NMNAT2: variants seen among roughly 807,000 people sequenced by gnomAD.
NMNAT2 encodes the protein nicotinamide/nicotinic acid mononucleotide adenylyltransferase 2.
In NMNAT2, 11 loss-of-function variants were observed where a neutral mutation model predicts 41.6. That is an observed-to-expected ratio of 0.26 (90% CI 0.17 to 0.44). The LOEUF is 0.44. Among genes scored for constraint, NMNAT2 ranks in the 20% least tolerant of loss-of-function variants. The probability of loss-of-function intolerance (pLI) is 1.00; values close to 1 mark genes in which losing one functional copy is unlikely to be tolerated. For missense variants in NMNAT2, 288 were observed against 407.7 expected (o/e 0.71, Z 2.53); for synonymous variants, 148 against 151.2 (o/e 0.98, Z 0.16).
At chr1:183,274,590 G>A (rs1343070394) in intron 8 of NMNAT2, among the ~76,000 whole-genome samples, 1 of 151,898 alleles carries the variant, frequency 6.6e-6, no homozygotes, top group Non-Finnish European at 1.5e-5. Flanking sequence ...TGGGATTACA[G>A]GCGTGAGTCA....
intron 1 of NMNAT2, among the ~76,000 whole-genome samples, chr1:183,386,494 A>C (rs772550674): frequency 6.6e-6 from 1 of 152,196 alleles, no homozygotes; most frequent in African/African-American, 2.4e-5. Flanking sequence ...AACTGATAAA[A>C]AGCAAAAGCA....
chr1:183,385,310 A>G (rs1321794600), intron 1 of NMNAT2, among the ~76,000 whole-genome samples: 2 of 152,348 alleles, frequency 1.3e-5, no homozygotes, highest in African/African-American at 4.8e-5. Flanking sequence ...GCTATTTGAC[A>G]ATGGCTGAAG....
At chr1:183,270,448 C>G (rs942837074) in intron 8 of NMNAT2, among the ~76,000 whole-genome samples, 2 of 151,976 alleles carry the variant, frequency 1.3e-5, no homozygotes, top group East Asian at 1.9e-4. Flanking sequence ...GCCCCTGCCA[C>G]TCTCTGGAGG....
intron 1 of NMNAT2, among the ~76,000 whole-genome samples, chr1:183,324,736 C>T (rs147371781): frequency 8.9e-4 from 136 of 152,302 alleles, no homozygotes; most frequent in African/African-American, 3.2e-3. Context: ...TTTCCCTGTG[C>T]CGCCCTTTAT....
chr1:183,408,437 T>A (rs987106382), intron 1 of NMNAT2, among the ~76,000 whole-genome samples: 12 of 152,192 alleles, frequency 7.9e-5, no homozygotes, highest in East Asian at 7.7e-4. Context: ...CATTTAAAAA[T>A]GTAAAAAGCC....
chr1:183,262,075 A>T (rs916903184), intron 8 of NMNAT2, among the ~76,000 whole-genome samples: 2 of 151,760 alleles, frequency 1.3e-5, no homozygotes, highest in Non-Finnish European at 2.9e-5. Context: ...ACAGGTACAT[A>T]CTACCATACC....
intron 1 of NMNAT2, among the ~76,000 whole-genome samples, chr1:183,337,103 G>C (rs1226269713): frequency 6.6e-6 from 1 of 152,196 alleles, no homozygotes; most frequent in Non-Finnish European, 1.5e-5. Flanking sequence ...TCTGTATCTT[G>C]ATTGGAGAGT....
At chr1:183,345,413 C>G (rs1333464726) in intron 1 of NMNAT2, among the ~76,000 whole-genome samples, 1 of 152,128 alleles carries the variant, frequency 6.6e-6, no homozygotes, top group Non-Finnish European at 1.5e-5. Context: ...GTGCTTAGGT[C>G]ATGAGGGCTC....
intron 1 of NMNAT2, among the ~76,000 whole-genome samples, chr1:183,370,485 G>C (rs1663511663): frequency 6.6e-6 from 1 of 152,162 alleles, no homozygotes; most frequent in African/African-American, 2.4e-5. Flanking sequence ...CTGACAGACA[G>C]CAGAAACTCA....
intron 1 of NMNAT2, among the ~76,000 whole-genome samples, chr1:183,364,818 A>G (rs958494684): frequency 6.6e-6 from 1 of 152,072 alleles, no homozygotes; most frequent in Non-Finnish European, 1.5e-5. Flanking sequence ...CAGCCTCCAG[A>G]GTAGGCGGGA....
intron 1 of NMNAT2, among the ~76,000 whole-genome samples, chr1:183,337,569 CAAA>C (rs71127343): frequency 6.0e-5 from 6 of 100,630 alleles, no homozygotes; most frequent in Middle Eastern, 6.0e-3. Flanking sequence ...CTCTCCACAG[CAAA>C]AAAAAAAAAA....
chr1:183,391,538 A>T (rs1233227092), intron 1 of NMNAT2, among the ~76,000 whole-genome samples: 1 of 152,040 alleles, frequency 6.6e-6, no homozygotes, highest in African/African-American at 2.4e-5. Context: ...TCTTAAAAAA[A>T]AATAAGCAAA....
At chr1:183,371,028 G>A (rs1663527451) in intron 1 of NMNAT2, among the ~76,000 whole-genome samples, 1 of 152,092 alleles carries the variant, frequency 6.6e-6, no homozygotes, top group African/African-American at 2.4e-5. Flanking sequence ...GCAAACAAAT[G>A]ACCTGGACAA....
chr1:183,328,317 C>T (rs1466855059), intron 1 of NMNAT2, among the ~76,000 whole-genome samples: 1 of 152,188 alleles, frequency 6.6e-6, no homozygotes, highest in Non-Finnish European at 1.5e-5. Flanking sequence ...TTTGGACAGT[C>T]TGAAGCTGAG....
At chr1:183,379,990 G>T (rs574947367) in intron 1 of NMNAT2, among the ~76,000 whole-genome samples, 13 of 152,262 alleles carry the variant, frequency 8.5e-5, no homozygotes, top group African/African-American at 2.9e-4. Context: ...ATTGTACTTC[G>T]ATGTTCTGCC....
chr1:183,304,903 T>C, intron 1 of NMNAT2: 1 of 1,441,754 alleles, frequency 6.9e-7, no homozygotes, highest in South Asian at 1.4e-5. Context: ...CAGGAAATGA[T>C]TTATGACCCT....
intron 1 of NMNAT2, among the ~76,000 whole-genome samples, chr1:183,305,341 C>G (rs1433568023): frequency 3.3e-5 from 5 of 152,004 alleles, no homozygotes; most frequent in African/African-American, 4.8e-5. Context: ...GGGGAGGAAG[C>G]AATGAAGACA....
chr1:183,404,509 T>C (rs1648900840), intron 1 of NMNAT2, among the ~76,000 whole-genome samples: 1 of 152,228 alleles, frequency 6.6e-6, no homozygotes, highest in African/African-American at 2.4e-5. Context: ...TGCTGGTTGT[T>C]GAGGGACTCC....
At chr1:183,339,993 C>A (rs1662761097) in intron 1 of NMNAT2, among the ~76,000 whole-genome samples, 1 of 152,168 alleles carries the variant, frequency 6.6e-6, no homozygotes. Flanking sequence ...TGCCGTAGGC[C>A]CTTGGCAGAT....
Sources: allele counts gnomAD v4.1 joint callset (sites outside exome capture counted in the v4.1 genomes callset), GRCh38; gene constraint gnomAD v4.1.1; transcripts MANE v1.5; gene names NCBI Gene and HGNC (gene_info 2026-07-23, HGNC 2026-07-21).